Variants in RYR1 observed in about 807,000 individuals in gnomAD.
RYR1 encodes ryanodine receptor 1, also known as central core disease of muscle.
In RYR1, 342 loss-of-function variants were observed where a neutral mutation model predicts 583.5. The observed-to-expected ratio is 0.59, with a 90% CI of 0.54 to 0.64. The LOEUF is 0.64. RYR1 is among the 30% of genes least tolerant of loss of function. RYR1 has a pLI of 0.00. For missense variants in RYR1, 6,032 were observed against 6,917.2 expected (o/e 0.87, Z 4.54); for synonymous variants, 2,791 against 2,822.5 (o/e 0.99, Z 0.35).
Position 38,473,488 on chromosome 19 carries a change from C to T in RYR1, c.3877C>T (p.Pro1293Ser). 6.2e-7 allele frequency: 1 copy of T among 1,613,832 alleles called. No homozygotes were observed. Among genetic ancestry groups the T allele is most frequent in the Non-Finnish European group, 8.5e-7 (1 of 1,179,912 alleles). ...VEMLFLRLSLPVQFHQHFRCT... is the reference protein window; with the variant it reads ...VEMLFLRLSLSVQFHQHFRCT... ...GATGCTTTTCCTGCGGCTGAGCCTC[C>T]CAGTCCAGTTCCACCAGCACTTCCG... The change falls in exon 28 of 106, where the codon CCA (proline) becomes TCA (serine). Residue 1293 changes from proline to serine, a missense_variant. Pro to Ser is a moderately conservative substitution (Grantham distance 74). This residue lies in a region of RYR1 where 2,627 missense variants were observed against 2,961.3 expected (regional missense o/e 0.89). Coordinates refer to ENST00000359596, the MANE Select transcript of RYR1 (RefSeq NM_000540.3).
At chr19:38,540,366 C>T (rs1020592547) in intron 84 of RYR1, among the ~76,000 whole-genome samples, 2 of 146,880 alleles carry the variant, frequency 1.4e-5, no homozygotes, top group Non-Finnish European at 3.0e-5. Context: ...TCATATACTA[C>T]AGTATAATAA....
intron 63 of RYR1, among the ~76,000 whole-genome samples, chr19:38,513,809 G>GT (rs942616353): frequency 5.9e-5 from 9 of 151,898 alleles, no homozygotes; most frequent in South Asian, 2.1e-4. Flanking sequence ...AAAGTATTTA[G>GT]TTTTTTTTGT....
Position 38,517,640 on chromosome 19 carries a change from A to G in RYR1, c.9967A>G (p.Ile3323Val), listed in dbSNP as rs762667282. ...NSLLGNILRI[I>V]VNNLGIDEAS... ...CCTGCTGGGGAATATCCTGAGAATCATCGTCAACAACCTGGGCATTGACGA... is the reference window on the plus strand; with the variant it reads ...CCTGCTGGGGAATATCCTGAGAATCGTCGTCAACAACCTGGGCATTGACGA... The change falls in exon 66 of 106, where the codon ATC (isoleucine) becomes GTC (valine). Residue 3323 changes from isoleucine (I) to valine (V), a missense_variant. Physicochemically the swap from Ile to Val is conservative, Grantham distance 29 (BLOSUM62 3). Coordinates refer to ENST00000359596, the MANE Select transcript of RYR1 (RefSeq NM_000540.3). The G allele has an allele frequency of 3.0e-5, 48 of 1,613,968 alleles. No homozygotes were observed. Among genetic ancestry groups the G allele is most frequent in the Non-Finnish European group, 3.9e-5 (46 of 1,180,034 alleles).
intron 42 of RYR1, among the ~76,000 whole-genome samples, chr19:38,497,791 T>C (rs1318945567): frequency 6.6e-6 from 1 of 151,834 alleles, no homozygotes; most frequent in Non-Finnish European, 1.5e-5. Context: ...CTGGACAATA[T>C]AGGGACACCT....
At position 38,459,877 on chromosome 19, in the gene RYR1, G is replaced by T. The variant is rs149362657; in HGVS notation, c.2361-498G>T. 2.2e-3 allele frequency among the ~76,000 whole-genome samples: 342 copies of T among 152,258 alleles called. 2 individuals are homozygous for T. Among genetic ancestry groups the T allele is most frequent in the Non-Finnish European group, 2.0e-3 (139 of 68,014 alleles). On this transcript the variant is annotated intron_variant, in intron 19 of 105. Transcript: ENST00000359596. ...CTTTCAATAGACCCAGACTTGCCCA[G>T]TGACCCTGCTCCCGAATAACCCCAT...
intron 94 of RYR1, among the ~76,000 whole-genome samples, chr19:38,571,563 G>A (rs1286093367): frequency 2.6e-5 from 4 of 152,120 alleles, no homozygotes; most frequent in Admixed American, 6.6e-5. Context: ...CTTGAACCCA[G>A]GAGGCAAAGG....
chr19:38,535,502 C>T, intron 81 of RYR1, 110 bp downstream of exon 81: 1 of 865,708 alleles, frequency 1.2e-6, no homozygotes, highest in East Asian at 2.4e-5. Flanking sequence ...GGGAAAGAGA[C>T]TCACTCAGAA....
At chr19:38,467,936 A>G (rs1968197138) in intron 25 of RYR1, 124 bp downstream of exon 25, 5 of 797,180 alleles carry the variant, frequency 6.3e-6, no homozygotes, top group Admixed American at 4.2e-5. Flanking sequence ...TGTACCACTC[A>G]TCCACCCATC....
At chr19:38,445,883 G>A (rs1403441331) in intron 7 of RYR1, among the ~76,000 whole-genome samples, 3 of 97,414 alleles carry the variant, frequency 3.1e-5, no homozygotes, top group Non-Finnish European at 4.9e-5. Flanking sequence ...CCAGCTACTT[G>A]GGAGGCTGAG....
intron 34 of RYR1, among the ~76,000 whole-genome samples, chr19:38,488,667 A>G (rs747508566): frequency 1.3e-5 from 2 of 151,972 alleles, no homozygotes; most frequent in Non-Finnish European, 2.9e-5. Context: ...ACACCCAGCT[A>G]ATTTTTTTTT....
intron 58 of RYR1, among the ~76,000 whole-genome samples, chr19:38,509,344 C>T (rs1278780438): frequency 6.6e-6 from 1 of 152,056 alleles, no homozygotes; most frequent in Non-Finnish European, 1.5e-5. Context: ...ACCAACTGCA[C>T]AGACCTCCAA....
chr19:38,529,756 C>G (rs900614722), intron 76 of RYR1, among the ~76,000 whole-genome samples: 6 of 152,108 alleles, frequency 3.9e-5, no homozygotes, highest in African/African-American at 1.2e-4. Context: ...TAATGACAGG[C>G]TTAGTAATAA....
chr19:38,444,302 G>T lies in RYR1; in HGVS notation c.537+41G>T, dbSNP rs775690534. ...TCCTCCTGCTCCCAGGTCTGGGGGC[G>T]CATGGGATGGTCCCCATCTTCTCAC... On this transcript the variant is annotated intron_variant, in intron 6 of 105. Coordinates refer to ENST00000359596, the MANE Select transcript of RYR1 (RefSeq NM_000540.3). This position sits in a 1 kb window ranked among gnomAD's most constrained non-coding sequence, Gnocchi z 5.1. 1.4e-6 allele frequency: 2 copies of T among 1,426,664 alleles called. No individual in the cohort carries two copies. The highest frequency in any genetic ancestry group is 1.4e-5 in the African/African-American group (1 of 71,248). 88.4% of individuals were successfully genotyped at this position (1,426,664 alleles called of 1,614,324 possible).
At chr19:38,548,127 G>A (rs574550915) in intron 88 of RYR1, 106 bp from the exon 89 acceptor site, 5 of 1,255,034 alleles carry the variant, frequency 4.0e-6, no homozygotes, top group Non-Finnish European at 3.4e-6. Flanking sequence ...GGCTGGCCAG[G>A]GACACTCCAG....
chr19:38,502,783 G>GGGCAGGGGCAGC (rs1970222072), intron 48 of RYR1, 56 bp downstream of exon 48: 10 of 1,164,030 alleles, frequency 8.6e-6, no homozygotes, highest in Non-Finnish European at 9.4e-6. Context: ...GCAGGGGCAG[G>GGGCAGGGGCAGC]GGCAGGGGCA....
Position 38,510,499 on chromosome 19 carries a change from G to C in RYR1, c.8934G>C (p.Glu2978Asp). The change falls in exon 59 of 106, where the codon GAG (glutamate) becomes GAC (aspartate). Residue 2978 changes from glutamate (E) to aspartate (D), a missense_variant and splice_region_variant. Glu to Asp is a conservative substitution (Grantham distance 45, BLOSUM62 2). Coordinates refer to ENST00000359596, the MANE Select transcript of RYR1 (RefSeq NM_000540.3). ...GAACCCTATTTGCCCTCCCTACAGAGGCTGTGGTCAGCAGTGGGCGAGTGG... is the reference window on the plus strand; with the variant it reads ...GAACCCTATTTGCCCTCCCTACAGACGCTGTGGTCAGCAGTGGGCGAGTGG... ...DISQEFIAHL[E>D]AVVSSGRVEK... 1 of 1,614,172 alleles carries C rather than the reference G, an allele frequency of 6.2e-7. No individual in the cohort carries two copies. Among genetic ancestry groups the C allele is most frequent in the Non-Finnish European group, 8.5e-7 (1 of 1,180,034 alleles).
chr19:38,496,197 C>A lies in RYR1; in HGVS notation c.6549-18C>A. ...GACCTGGGCCCCTGGTGACCCCGCA[C>A]ACTCTGCCCGTGCACAGGAACATCA... On this transcript the variant is annotated intron_variant, in intron 39 of 105. Transcript: ENST00000359596. The surrounding 1 kb of genome is among the most constrained non-coding windows in gnomAD (Gnocchi z 4.8). 1 of 1,609,402 alleles carries A rather than the reference C, an allele frequency of 6.2e-7. No individual in the cohort carries two copies. Among genetic ancestry groups the A allele is most frequent in the Non-Finnish European group, 8.5e-7 (1 of 1,176,968 alleles).
chr19:38,548,448 G>C (rs1380604252), intron 89 of RYR1, 28 bp downstream of exon 89: 1 of 1,607,556 alleles, frequency 6.2e-7, no homozygotes. Context: ...TGTGGGCCCA[G>C]GACTTGGGTG....
chr19:38,571,224 A>C (rs1166510296), intron 94 of RYR1, among the ~76,000 whole-genome samples: 1 of 152,140 alleles, frequency 6.6e-6, no homozygotes, highest in Non-Finnish European at 1.5e-5. Flanking sequence ...TGGGACCCAG[A>C]AGTCCCACAG....
Sources: allele counts gnomAD v4.1 joint callset (sites outside exome capture counted in the v4.1 genomes callset), GRCh38; gene constraint gnomAD v4.1.1; regional missense constraint gnomAD v4.1.1; non-coding constraint Gnocchi (gnomAD v3.1); transcripts MANE v1.5; gene names NCBI Gene and HGNC (gene_info 2026-07-23, HGNC 2026-07-21).